The following ARMC9 variants were observed in gnomAD, a reference collection of about 807,000 sequenced individuals.
ARMC9 encodes the protein armadillo repeat containing 9.
ARMC9 carries 94 observed loss-of-function variants against 107.0 expected under a neutral mutation model. That is an observed-to-expected ratio of 0.88 (90% CI 0.74 to 1.04). The LOEUF is 1.04. Ranked by LOEUF, ARMC9 falls within the 50% of genes least tolerant of loss-of-function variation. The pLI, the probability that ARMC9 is intolerant of heterozygous loss-of-function variation, is 0.00. For missense variants in ARMC9, 942 were observed against 1,030.1 expected (o/e 0.91, Z 1.17); for synonymous variants, 380 against 396.9 (o/e 0.96, Z 0.51).
intron 6 of ARMC9, among the ~76,000 whole-genome samples, chr2:231,225,918 G>A (rs1041348391): frequency 2.0e-5 from 3 of 152,178 alleles, no homozygotes; most frequent in African/African-American, 4.8e-5. Context: ...GTGAAATGGC[G>A]TGATCTTGGC....
chr2:231,331,832 G>T lies in ARMC9; in HGVS notation c.1813G>T (p.Glu605Ter). Residue 605 changes from glutamate (E) to a stop codon, truncating the protein, a stop_gained, in exon 20 of 25, where the codon GAA becomes TAA. Transcript: ENST00000611582. LOFTEE classifies it high-confidence loss of function. ...DIMEADLDKD[E>*]LIQPQLGELS... ...CATGGAAGCCGATCTGGACAAAGAC[G>T]AACTGATCCAGCCCCAGCTCGGAGA... 1.2e-6 allele frequency: 2 copies of T among 1,614,044 alleles called. No individual in the cohort carries two copies. The highest frequency in any genetic ancestry group is 1.7e-6 in the Non-Finnish European group (2 of 1,179,958).
chr2:231,280,569 T>TTGCTA (rs1428335750), intron 16 of ARMC9, among the ~76,000 whole-genome samples: 1 of 152,130 alleles, frequency 6.6e-6, no homozygotes, highest in Non-Finnish European at 1.5e-5. Context: ...AGTAATATGT[T>TTGCTA]TGCTACACTG....
chr2:231,274,087 G>T (rs933405870), intron 14 of ARMC9, among the ~76,000 whole-genome samples: 1 of 152,120 alleles, frequency 6.6e-6, no homozygotes, highest in East Asian at 1.9e-4. Flanking sequence ...TCCTTTTGTG[G>T]CTGAATATGT....
chr2:231,369,486 G>T (rs1363495459), intron 23 of ARMC9, among the ~76,000 whole-genome samples: 2 of 151,624 alleles, frequency 1.3e-5, no homozygotes, highest in East Asian at 1.9e-4. Flanking sequence ...AGAGACGGGG[G>T]TCTCACCATA....
At chr2:231,287,238 A>T (rs1377667689) in intron 17 of ARMC9, among the ~76,000 whole-genome samples, 2 of 152,188 alleles carry the variant, frequency 1.3e-5, no homozygotes, top group Non-Finnish European at 2.9e-5. Context: ...CTCTCTCCAG[A>T]GGGCTGGGTG....
At chr2:231,235,102 G>A in intron 7 of ARMC9, 122 bp from the exon 8 acceptor site, 1 of 1,052,456 alleles carries the variant, frequency 9.5e-7, no homozygotes, top group South Asian at 1.7e-5. Flanking sequence ...CACAAGTAGT[G>A]TCCAGTTTAT....
In ARMC9 at chr2:231,255,309, G is replaced by A. The variant is rs556520548; in HGVS notation, c.880-1277G>A. ...ATTAAAAGAGAGTGGGGTGGAAGAG[G>A]GGTTGTTAATGTTTTTTAAACACGT... is the stretch of plus-strand genomic sequence containing the variant. On this transcript the variant is annotated intron_variant, in intron 9 of 24. Transcript: ENST00000611582. The surrounding 1 kb of genome is among the most constrained non-coding windows in gnomAD (Gnocchi z 4.7). 1.0e-3 allele frequency among the ~76,000 whole-genome samples: 158 copies of A among 152,098 alleles called. 1 individual carries two copies. The highest frequency in any genetic ancestry group is 3.6e-3 in the African/African-American group (150 of 41,498).
intron 21 of ARMC9, among the ~76,000 whole-genome samples, chr2:231,352,658 A>G (rs2045140582): frequency 1.0e-5 from 1 of 99,174 alleles, no homozygotes; most frequent in Non-Finnish European, 2.0e-5. Context: ...TCAGATGTTC[A>G]CAGGATAGAT....
intron 9 of ARMC9, 55 bp from the exon 10 acceptor site, chr2:231,256,531 T>C: frequency 1.3e-6 from 2 of 1,587,762 alleles, no homozygotes; most frequent in Admixed American, 3.3e-5. Context: ...TTGGGATCCG[T>C]GCATTGCTAT....
chr2:231,260,995 G>A (rs1574844784), intron 11 of ARMC9, among the ~76,000 whole-genome samples: 1 of 152,114 alleles, frequency 6.6e-6, no homozygotes, highest in African/African-American at 2.4e-5. Context: ...GCACACCCTG[G>A]CCATGGTCAT....
At chr2:231,326,209 CA>C (rs2125545614) in intron 19 of ARMC9, among the ~76,000 whole-genome samples, 1 of 152,324 alleles carries the variant, frequency 6.6e-6, no homozygotes, top group African/African-American at 2.4e-5. Flanking sequence ...GCTTAAAGTC[CA>C]GATTCCTAGA....
intron 24 of ARMC9, among the ~76,000 whole-genome samples, 161 bp downstream of exon 24, chr2:231,370,286 C>A (rs867947677): frequency 4.0e-4 from 61 of 152,348 alleles, no homozygotes; most frequent in African/African-American, 1.4e-3. Flanking sequence ...CAGGCCCCAG[C>A]AGGTGGCTTC....
At chr2:231,325,045 A>C (rs535603414) in intron 19 of ARMC9, among the ~76,000 whole-genome samples, 164 of 152,192 alleles carry the variant, frequency 1.1e-3, no homozygotes, top group African/African-American at 3.7e-3. Context: ...GCAACATGGA[A>C]AAACCCTGTC....
At position 231,278,247 on chromosome 2, in the gene ARMC9, C is replaced by A. The variant is rs779880223; in HGVS notation, c.1475-135C>A. 6.4e-6 allele frequency: 5 copies of A among 784,556 alleles called. No individual in the cohort carries two copies. In the African/African-American group the frequency reaches 8.5e-5, roughly 13 times the overall value. 48.6% of individuals were successfully genotyped at this position (784,556 alleles called of 1,614,324 possible). ...GCCCAGATTGGTTACATGACTCACCCGAGGTCATACAGCTCACCCGAGGTC... is the reference window on the plus strand; with the variant it reads ...GCCCAGATTGGTTACATGACTCACCAGAGGTCATACAGCTCACCCGAGGTC... On this transcript the variant is annotated intron_variant, in intron 15 of 24. Transcript: ENST00000611582.
intron 20 of ARMC9, among the ~76,000 whole-genome samples, chr2:231,336,395 C>G (rs1286823753): frequency 6.6e-6 from 1 of 152,098 alleles, no homozygotes; most frequent in Non-Finnish European, 1.5e-5. Flanking sequence ...GAGGAGGGCG[C>G]TGAGGCTGAG....
At chr2:231,276,799 A>G (rs2039801495) in intron 15 of ARMC9, 24 bp downstream of exon 15, 2 of 1,612,356 alleles carry the variant, frequency 1.2e-6, no homozygotes, top group African/African-American at 2.7e-5. Context: ...CCCTCATTCT[A>G]GTGCAAGAAG....
At chr2:231,322,485 T>C (rs972104084) in intron 19 of ARMC9, among the ~76,000 whole-genome samples, 2 of 152,264 alleles carry the variant, frequency 1.3e-5, no homozygotes, top group African/African-American at 4.8e-5. Flanking sequence ...CTGAACACAT[T>C]CTGCTCTGCA....
intron 17 of ARMC9, among the ~76,000 whole-genome samples, chr2:231,282,811 T>C (rs772667492): frequency 7.9e-5 from 12 of 152,234 alleles, no homozygotes; most frequent in Non-Finnish European, 8.8e-5. Context: ...ACCAAACTTA[T>C]TTAAGAACCA....
At chr2:231,291,293 G>A in intron 17 of ARMC9, 60 bp from the exon 18 acceptor site, 1 of 1,401,890 alleles carries the variant, frequency 7.1e-7, no homozygotes, top group Non-Finnish European at 1.0e-6. Flanking sequence ...TGACCTCATT[G>A]AAAAGTAGTT....
Sources: gnomAD v4.1 joint callset for allele counts (sites outside exome capture counted in the v4.1 genomes callset) on GRCh38, gnomAD v4.1.1 for gene constraint, Gnocchi (gnomAD v3.1) non-coding constraint, MANE v1.5 for transcripts, NCBI Gene and HGNC (gene_info 2026-07-23, HGNC 2026-07-21) for gene names.